The following SLC12A8 variants were observed in gnomAD, a reference collection of about 807,000 sequenced individuals.
The protein encoded by SLC12A8 is cation-chloride cotransporter 9.
SLC12A8 carries 69 observed loss-of-function variants against 75.6 expected under a neutral mutation model. That is an observed-to-expected ratio of 0.91 (90% CI 0.75 to 1.11). The LOEUF is 1.11. Ranked by LOEUF, SLC12A8 falls within the 50% of genes most tolerant of loss-of-function variation. SLC12A8 has a pLI of 0.00. For missense variants in SLC12A8, 877 were observed against 896.7 expected (o/e 0.98, Z 0.28); for synonymous variants, 365 against 372.8 (o/e 0.98, Z 0.24).
intron 2 of SLC12A8, 64 bp from the exon 3 acceptor site, chr3:125,190,585 G>C: frequency 6.3e-7 from 1 of 1,581,084 alleles, no homozygotes; most frequent in Non-Finnish European, 8.6e-7. Context: ...TGGCATGAGA[G>C]TGGAACAGGA....
At chr3:125,105,452 A>G (rs1036268089) in intron 10 of SLC12A8, among the ~76,000 whole-genome samples, 6 of 152,258 alleles carry the variant, frequency 3.9e-5, no homozygotes, top group African/African-American at 1.4e-4. Context: ...GAATTGGAGC[A>G]TTTTGAAAAT....
intron 12 of SLC12A8, among the ~76,000 whole-genome samples, chr3:125,089,071 T>C (rs1384031652): frequency 6.6e-6 from 1 of 152,234 alleles, no homozygotes; most frequent in Non-Finnish European, 1.5e-5. Flanking sequence ...GAAAATGCTT[T>C]CCTAAATTAT....
chr3:125,144,322 G>A (rs1479901195), intron 5 of SLC12A8, among the ~76,000 whole-genome samples: 2 of 152,192 alleles, frequency 1.3e-5, no homozygotes, highest in East Asian at 1.9e-4. Flanking sequence ...GGCACAGAGA[G>A]GCAACTGGGA....
At chr3:125,155,170 C>T (rs1404048878) in intron 5 of SLC12A8, 1 of 152,150 alleles carries the variant, frequency 6.6e-6, no homozygotes, top group Non-Finnish European at 1.5e-5. Flanking sequence ...AAATGGAAAC[C>T]ATGGAAAGTG....
intron 7 of SLC12A8, 166 bp from the exon 8 acceptor site, chr3:125,119,022 T>C (rs1932981008): frequency 1.9e-6 from 1 of 524,588 alleles, no homozygotes. Flanking sequence ...TTTTGTACTA[T>C]TTCTCTTCTG....
chr3:125,155,027 C>G (rs1449767254), intron 5 of SLC12A8: 1 of 152,162 alleles, frequency 6.6e-6, no homozygotes, highest in Non-Finnish European at 1.5e-5. Flanking sequence ...CTGGACAAAG[C>G]AGGGTTCATG....
intron 2 of SLC12A8, among the ~76,000 whole-genome samples, chr3:125,200,318 G>A (rs1354704130): frequency 6.6e-6 from 1 of 152,100 alleles, no homozygotes; most frequent in Non-Finnish European, 1.5e-5. Flanking sequence ...GCATGGTGGT[G>A]TGCCCTTGTG....
chr3:125,198,932 C>T (rs1280874850), intron 2 of SLC12A8, among the ~76,000 whole-genome samples: 2 of 151,948 alleles, frequency 1.3e-5, no homozygotes, highest in Admixed American at 6.5e-5. Context: ...CACCCGCCAC[C>T]ACGCCCGGCT....
At position 125,208,813 on chromosome 3, in the gene SLC12A8, G is replaced by GAA. The variant is rs1560087731; in HGVS notation, c.51+2485_51+2486insTT. ...ACACAGAGAGAGAGAGAGAGAGAGA[G>GAA]AGAGAGAGAGAGCTACCCTATCTGG... On this transcript the variant is annotated intron_variant, in intron 2 of 13. Transcript: ENST00000469902. Among the ~76,000 whole-genome samples the GAA allele has an allele frequency of 1.2e-4, 18 of 148,400 alleles. No homozygotes were observed. In the East Asian group the frequency reaches 1.7e-3, roughly 14 times the overall value.
In SLC12A8 at chr3:125,107,597, C is replaced by G. The variant is rs958194959; in HGVS notation, c.1589G>C (p.Gly530Ala). The G allele has an allele frequency of 2.5e-6, 4 of 1,614,054 alleles. No homozygotes were observed. In the African/African-American group the frequency reaches 4.0e-5, roughly 16 times the overall value. ...SDRLPAASWEGQESCWNKQTS... is the reference protein window; with the variant it reads ...SDRLPAASWEAQESCWNKQTS... ...CTGCTTGTTCCAGCAGGACTCCTGC[C>G]CCTCCCAGGAGGCAGCGGGCAACCT... The change falls in exon 10 of 14, where the codon GGG becomes GCG. Residue 530 changes from glycine (G) to alanine (A), a missense_variant. Coordinates refer to ENST00000469902, the MANE Select transcript of SLC12A8 (RefSeq NM_024628.6).
At chr3:125,169,732 C>T (rs1934368520) in intron 5 of SLC12A8, among the ~76,000 whole-genome samples, 2 of 152,158 alleles carry the variant, frequency 1.3e-5, no homozygotes, top group African/African-American at 4.8e-5. Flanking sequence ...CAGAAACGAA[C>T]ATTTGGGGGA....
rs1457290760 is a variant in SLC12A8 at position 125,108,050 on chromosome 3, T to C, written c.1136A>G (p.Gln379Arg). 3 of 1,614,066 alleles carry C rather than the reference T, an allele frequency of 1.9e-6. No homozygotes were observed. The highest frequency in any genetic ancestry group is 8.5e-7 in the Non-Finnish European group (1 of 1,180,032). The change falls in exon 10 of 14, where the codon CAA becomes CGA. Residue 379 changes from glutamine to arginine, a missense_variant. Coordinates refer to ENST00000469902, the MANE Select transcript of SLC12A8 (RefSeq NM_024628.6). ...GACGATGGGGGCCAGAACGTTCACT[T>C]GACCCACAAAAACAAAGGCCATGGT... ...LVTMAFVFVG[Q>R]VNVLAPIVTI...
At chr3:125,175,492 G>A (rs779774660) in intron 5 of SLC12A8, among the ~76,000 whole-genome samples, 2 of 152,182 alleles carry the variant, frequency 1.3e-5, no homozygotes, top group African/African-American at 2.4e-5. Context: ...AATATTTGGA[G>A]TAACTTAGAA....
chr3:125,117,075 A>T (rs1168951445), intron 8 of SLC12A8, among the ~76,000 whole-genome samples: 2 of 152,174 alleles, frequency 1.3e-5, no homozygotes, highest in African/African-American at 4.8e-5. Flanking sequence ...CCTTCCAAAA[A>T]ATCTGCTTTT....
At position 125,083,711 on chromosome 3, in the gene SLC12A8, G is replaced by C. The variant is rs1352884155; in HGVS notation, c.*179C>G. 16 of 609,050 alleles carry C rather than the reference G, an allele frequency of 2.6e-5. No individual in the cohort carries two copies. Among genetic ancestry groups the C allele is most frequent in the African/African-American group, 4.0e-5 (2 of 49,888 alleles). 37.7% of individuals were successfully genotyped at this position (609,050 alleles called of 1,614,324 possible). A position where few individuals can be genotyped will look rare whatever the true frequency, so the allele number is the denominator to read the frequency against. Reference sequence around the variant, plus strand: ...GACTCCAGCCTGGGTGACAGGGCGAGACTCTGTCTCAAAAAAAAAAAAAAA... The same window carrying C: ...GACTCCAGCCTGGGTGACAGGGCGACACTCTGTCTCAAAAAAAAAAAAAAA... On this transcript the variant is annotated 3_prime_UTR_variant, in exon 14 of 14. Transcript: ENST00000469902.
At position 125,178,124 on chromosome 3, in the gene SLC12A8, A is replaced by T. The variant is rs1684239103; in HGVS notation, c.391-150T>A. 3 of 663,044 alleles carry T rather than the reference A, an allele frequency of 4.5e-6. No homozygotes were observed. In the Admixed American group the frequency reaches 7.6e-5, roughly 17 times the overall value. The allele number at this position is 663,044 out of a possible 1,614,324, so 41.1% of individuals were successfully genotyped here. ...CCTGGGACCAGTGCAGGGTTAAACC[A>T]GCCCTTCCCACCCGTGAACCTGCCT... On this transcript the variant is annotated intron_variant, in intron 4 of 13. Transcript: ENST00000469902.
At chr3:125,121,131 G>T (rs1933049157) in intron 6 of SLC12A8, among the ~76,000 whole-genome samples, 1 of 152,076 alleles carries the variant, frequency 6.6e-6, no homozygotes, top group African/African-American at 2.4e-5. Context: ...GTGTCCTCGG[G>T]GTCAGGTACC....
chr3:125,100,702 C>T (rs957796718), intron 10 of SLC12A8, among the ~76,000 whole-genome samples: 34 of 151,318 alleles, frequency 2.2e-4, no homozygotes, highest in African/African-American at 7.0e-4. Flanking sequence ...GCCACCATGC[C>T]CAGCTTAATG....
At chr3:125,123,196 G>GA (rs1933105421) in intron 6 of SLC12A8, among the ~76,000 whole-genome samples, 1 of 151,768 alleles carries the variant, frequency 6.6e-6, no homozygotes, top group South Asian at 2.1e-4. Context: ...CTAACATGGT[G>GA]AAACTCCATC....
Sources: allele counts gnomAD v4.1 joint callset (sites outside exome capture counted in the v4.1 genomes callset), GRCh38; gene constraint gnomAD v4.1.1; transcripts MANE v1.5; gene names NCBI Gene and HGNC (gene_info 2026-07-23, HGNC 2026-07-21).